The following MDH2 variants were observed in gnomAD, a reference collection of about 807,000 sequenced individuals.
MDH2 encodes malate dehydrogenase, mitochondrial.
Under a neutral mutation model 33.6 loss-of-function variants are expected in MDH2, and 25 were observed. The ratio of observed to expected loss-of-function variants is 0.74; its 90% CI spans 0.54 to 1.04. The LOEUF (loss-of-function observed/expected upper bound fraction) is 1.04, where lower values mean the gene tolerates loss of function less well. Ranked by LOEUF, MDH2 falls within the 50% of genes least tolerant of loss-of-function variation. The probability of loss-of-function intolerance (pLI) is 0.00; values close to 1 mark genes in which losing one functional copy is unlikely to be tolerated. For synonymous variants in MDH2, 193 were observed against 188.7 expected (o/e 1.02, Z -0.19); for missense variants, 432 against 445.0 (o/e 0.97, Z 0.26).
chr7:76,050,276 C>T (rs1554585226), intron 1 of MDH2, among the ~76,000 whole-genome samples: 1 of 152,198 alleles, frequency 6.6e-6, no homozygotes, highest in Non-Finnish European at 1.5e-5. Context: ...GTGATCCACC[C>T]TCCTTGGCCT....
At chr7:76,060,656 C>T (rs934626306) in intron 5 of MDH2, among the ~76,000 whole-genome samples, 158 bp downstream of exon 5, 1 of 151,994 alleles carries the variant, frequency 6.6e-6, no homozygotes, top group Non-Finnish European at 1.5e-5. Flanking sequence ...GGAAGCAGCC[C>T]CTGTGTTTCC....
intron 6 of MDH2, among the ~76,000 whole-genome samples, chr7:76,063,918 C>T (rs1460041431): frequency 1.3e-5 from 2 of 152,092 alleles, no homozygotes; most frequent in African/African-American, 4.8e-5. Flanking sequence ...TACCTGTAAT[C>T]CCAGCATTTG....
Position 76,066,268 on chromosome 7 carries a change from A to T in MDH2, c.886-11A>T, listed in dbSNP as rs2116707979. On this transcript the variant is annotated splice_polypyrimidine_tract_variant and intron_variant, in intron 8 of 8. Transcript: ENST00000315758. The stretch of plus-strand genomic sequence containing the variant: ...GGAAACTTCATTTTAACATGTTCCC[A>T]TCTCCCTCAGAAAAAGGGCATCGAG... 5 of 1,604,862 alleles carry T rather than the reference A, an allele frequency of 3.1e-6. No individual in the cohort carries two copies. The highest frequency in any genetic ancestry group is 4.3e-6 in the Non-Finnish European group (5 of 1,175,832).
intron 1 of MDH2, among the ~76,000 whole-genome samples, chr7:76,052,011 A>G (rs1797641590): frequency 6.6e-6 from 1 of 152,224 alleles, no homozygotes; most frequent in Admixed American, 6.5e-5. Flanking sequence ...CCTGTAATAT[A>G]CAAACAGTGA....
At chr7:76,048,859 G>A in intron 1 of MDH2, 3 of 1,183,086 alleles carry the variant, frequency 2.5e-6, no homozygotes, top group Non-Finnish European at 3.1e-6. Context: ...CTTAAGCCTA[G>A]GAGCCTAGGC....
Position 76,062,972 on chromosome 7 carries a change from C to T in MDH2, c.556-543C>T, listed in dbSNP as rs899622287. On this transcript the variant is annotated intron_variant, in intron 5 of 8. Coordinates refer to ENST00000315758, the MANE Select transcript of MDH2 (RefSeq NM_005918.4). ...CCTCCAGTTTAAGAAATGAGGCAGC[C>T]TTGAACTGTGCTGTTTGGAGCCATA... Among the ~76,000 whole-genome samples the T allele has an allele frequency of 2.6e-5, 4 of 152,294 alleles. No homozygotes were observed. In the East Asian group the frequency reaches 5.8e-4, roughly 22 times the overall value.
chr7:76,054,822 C>G lies in MDH2; in HGVS notation c.67-8C>G, dbSNP rs1327419817. The G allele has an allele frequency of 1.2e-6, 2 of 1,613,862 alleles. No homozygotes were observed. The highest frequency in any genetic ancestry group is 2.7e-5 in the African/African-American group (2 of 74,906). ...TCCTAAGAGTCCTTTCTCTGTGCCT[C>G]TTTTTAGAACAATGCTAAAGTAGCT... On this transcript the variant is annotated splice_region_variant and splice_polypyrimidine_tract_variant and intron_variant, in intron 1 of 8. Coordinates refer to ENST00000315758, the MANE Select transcript of MDH2 (RefSeq NM_005918.4).
At chr7:76,060,082 G>A (rs953158843) in intron 4 of MDH2, among the ~76,000 whole-genome samples, 32 of 152,244 alleles carry the variant, frequency 2.1e-4, no homozygotes, top group African/African-American at 7.0e-4. Context: ...AGTCCCGGCC[G>A]AGCAGAAGGT....
intron 1 of MDH2, among the ~76,000 whole-genome samples, chr7:76,050,599 T>A (rs562489626): frequency 6.6e-6 from 1 of 152,208 alleles, no homozygotes; most frequent in East Asian, 1.9e-4. Context: ...GGGCGGCCAG[T>A]TGAGGGTTTT....
rs868949481 is a variant in MDH2 at position 76,064,896 on chromosome 7, C to G, written c.828C>G (p.Ser276=). The change falls in exon 8 of 9, where the codon TCC becomes TCG. Residue 276 remains serine (S), a synonymous_variant. Transcript: ENST00000315758. ...MNGKEGVVEC[S]FVKSQETECT... is the part of the protein sequence containing the mutation. Reference sequence around the variant, plus strand: ...GAAAGGAAGGTGTTGTGGAATGTTCCTTCGTTAAGTCACAGGAAACGGAAT... The same window carrying G: ...GAAAGGAAGGTGTTGTGGAATGTTCGTTCGTTAAGTCACAGGAAACGGAAT... 2 of 1,614,066 alleles carry G rather than the reference C, an allele frequency of 1.2e-6. No individual in the cohort carries two copies. The highest frequency in any genetic ancestry group is 1.3e-5 in the African/African-American group (1 of 74,930).
At chr7:76,048,949 A>G in intron 1 of MDH2, 2 of 899,442 alleles carry the variant, frequency 2.2e-6, no homozygotes, top group Non-Finnish European at 2.6e-6. Flanking sequence ...TAAAAAACAG[A>G]CGTCTGGGTT....
At chr7:76,052,870 TCTTG>T (rs1563545605) in intron 1 of MDH2, among the ~76,000 whole-genome samples, 4 of 152,058 alleles carry the variant, frequency 2.6e-5, no homozygotes, top group African/African-American at 9.7e-5. Context: ...AGAGATGGAA[TCTTG>T]CTCTGTTTCC....
chr7:76,063,387 C>G (rs1798005431), intron 5 of MDH2, 128 bp from the exon 6 acceptor site: 3 of 836,028 alleles, frequency 3.6e-6, no homozygotes, highest in Non-Finnish European at 4.0e-6. Context: ...ACAGGGCCTC[C>G]TCCTAGCTGG....
At chr7:76,060,556 G>T (rs1306436786) in intron 5 of MDH2, 58 bp downstream of exon 5, 1 of 1,598,958 alleles carries the variant, frequency 6.3e-7, no homozygotes, top group Non-Finnish European at 8.5e-7. Context: ...CGCCACCCGT[G>T]CTCATTTACG....
rs1441180866 is a variant in MDH2 at position 76,064,877 on chromosome 7, A to C, written c.809A>C (p.Glu270Ala). ...FSLVDAMNGK[E>A]GVVECSFVKS... ...CTTGTGGATGCAATGAATGGAAAGG[A>C]AGGTGTTGTGGAATGTTCCTTCGTT... The change falls in exon 8 of 9, where the codon GAA becomes GCA. Residue 270 changes from glutamate to alanine, a missense_variant. Physicochemically the swap from Glu to Ala is moderately radical, Grantham distance 107 (BLOSUM62 -1). Coordinates refer to ENST00000315758, the MANE Select transcript of MDH2 (RefSeq NM_005918.4). 1 of 1,613,984 alleles carries C rather than the reference A, an allele frequency of 6.2e-7. No individual in the cohort carries two copies. Among genetic ancestry groups the C allele is most frequent in the African/African-American group, 1.3e-5 (1 of 74,898 alleles).
chr7:76,059,549 C>G (rs1797883256), intron 4 of MDH2, among the ~76,000 whole-genome samples: 1 of 152,222 alleles, frequency 6.6e-6, no homozygotes, highest in African/African-American at 2.4e-5. Flanking sequence ...CCAGCTTGAC[C>G]TGCAGGGCCT....
At chr7:76,065,930 G>C (rs1554587807) in intron 8 of MDH2, among the ~76,000 whole-genome samples, 1 of 152,224 alleles carries the variant, frequency 6.6e-6, no homozygotes, top group Non-Finnish European at 1.5e-5. Flanking sequence ...CCTGATGATT[G>C]AGTTCCTGGC....
intron 5 of MDH2, 130 bp from the exon 6 acceptor site, chr7:76,063,382 GCCT>G (rs1798005312): frequency 2.5e-6 from 2 of 788,100 alleles, no homozygotes; most frequent in Non-Finnish European, 4.3e-6. Flanking sequence ...GCTGGACAGG[GCCT>G]CCTCCTAGCT....
In MDH2 at chr7:76,063,575, A is replaced by G. The variant is rs1798010443; in HGVS notation, c.616A>G (p.Ile206Val). Residue 206 changes from isoleucine to valine, a missense_variant, in exon 6 of 9, where the codon ATC becomes GTC. Physicochemically the swap from Ile to Val is conservative, Grantham distance 29 (BLOSUM62 3). Coordinates refer to ENST00000315758, the MANE Select transcript of MDH2 (RefSeq NM_005918.4). Reference protein sequence around the residue: ...VIGGHAGKTIIPLISQCTPKV... With the variant: ...VIGGHAGKTIVPLISQCTPKV... ...TGGTGGCCATGCTGGGAAGACCATC[A>G]TCCCCCTGATCTCTCAGGTACACGC... is the stretch of plus-strand genomic sequence containing the variant. 6.2e-7 allele frequency: 1 copy of G among 1,614,222 alleles called. No individual in the cohort carries two copies. The highest frequency in any genetic ancestry group is 8.5e-7 in the Non-Finnish European group (1 of 1,180,030).
Sources: allele counts gnomAD v4.1 joint callset (sites outside exome capture counted in the v4.1 genomes callset), GRCh38; gene constraint gnomAD v4.1.1; transcripts MANE v1.5; gene names NCBI Gene and HGNC (gene_info 2026-07-23, HGNC 2026-07-21).